Variants in PTPRD observed in about 807,000 individuals in gnomAD.
PTPRD encodes the protein receptor-type tyrosine-protein phosphatase delta.
In PTPRD, 34 loss-of-function variants were observed where a neutral mutation model predicts 214.5. That is an observed-to-expected ratio of 0.16 (90% CI 0.12 to 0.21). The LOEUF is 0.21. PTPRD is among the 10% of genes least tolerant of loss of function. The probability of loss-of-function intolerance (pLI) is 1.00; values close to 1 mark genes in which losing one functional copy is unlikely to be tolerated. For missense variants in PTPRD, 2,545 were observed against 2,398.7 expected (o/e 1.06, Z -1.27); for synonymous variants, 1,128 against 845.7 (o/e 1.33, Z -5.79).
intron 5 of PTPRD, among the ~76,000 whole-genome samples, chr9:9,774,913 T>G (rs2098784454): frequency 6.6e-6 from 1 of 152,182 alleles, no homozygotes; most frequent in Non-Finnish European, 1.5e-5. Flanking sequence ...AATCATAAGC[T>G]ACAGCAACAG....
At chr9:8,610,564 A>G (rs940400475) in intron 14 of PTPRD, among the ~76,000 whole-genome samples, 1 of 152,174 alleles carries the variant, frequency 6.6e-6, no homozygotes, top group African/African-American at 2.4e-5. Context: ...AACTTAAACC[A>G]TTCTATTTGA....
chr9:10,053,919 C>T lies in PTPRD; in HGVS notation c.-544-20129G>A, dbSNP rs143946622. Among the ~76,000 whole-genome samples the T allele has an allele frequency of 3.7e-3, 570 of 152,048 alleles. 7 individuals carry two copies. Among genetic ancestry groups the T allele is most frequent in the African/African-American group, 0.013 (533 of 41,478 alleles). On this transcript the variant is annotated intron_variant, in intron 3 of 45. Coordinates refer to ENST00000381196, the MANE Select transcript of PTPRD (RefSeq NM_002839.4). ...GATTACAGGTGTACGCCAACACACC[C>T]GGCTAATTTTTGTGTTTTTAGTAAA...
At chr9:9,849,534 A>G (rs1234510857) in intron 5 of PTPRD, among the ~76,000 whole-genome samples, 1 of 152,118 alleles carries the variant, frequency 6.6e-6, no homozygotes, top group Non-Finnish European at 1.5e-5. Context: ...CAAGTTTTGA[A>G]AAGAATGATG....
At chr9:9,494,886 A>G (rs558803392) in intron 8 of PTPRD, among the ~76,000 whole-genome samples, 5 of 152,344 alleles carry the variant, frequency 3.3e-5, no homozygotes, top group African/African-American at 9.6e-5. Flanking sequence ...AGAAAACTGT[A>G]AGATTCACAC....
chr9:8,321,526 T>TATATATATATATATATATATATAA (rs1327118226), intron 44 of PTPRD, among the ~76,000 whole-genome samples: 1 of 115,762 alleles, frequency 8.6e-6, no homozygotes, highest in Non-Finnish European at 1.8e-5. Flanking sequence ...TATATATATA[T>TATATATATATATATATATATATAA]AAAAGGTATA....
chr9:10,248,959 G>A (rs953477368), intron 3 of PTPRD, among the ~76,000 whole-genome samples: 2 of 151,722 alleles, frequency 1.3e-5, no homozygotes, highest in African/African-American at 4.8e-5. Context: ...ATTTACCTAA[G>A]GGGTCAGTAA....
chr9:9,905,297 T>A (rs549215377), intron 5 of PTPRD, among the ~76,000 whole-genome samples: 2 of 152,028 alleles, frequency 1.3e-5, no homozygotes, highest in African/African-American at 4.8e-5. Context: ...GGTTCTTTTT[T>A]TAATCAGAAT....
chr9:9,381,371 A>AT lies in PTPRD; in HGVS notation c.-203+16077dup, dbSNP rs34743279. On this transcript the variant is annotated intron_variant, in intron 9 of 45. Coordinates refer to ENST00000381196, the MANE Select transcript of PTPRD (RefSeq NM_002839.4). ...TACATCAGTTATGCTTTTTTTTTTT[A>AT]TTTTTTTTTTGACAGGGTCTTACTT... Among the ~76,000 whole-genome samples the AT allele has an allele frequency of 2.5e-3, 184 of 74,214 alleles. 2 individuals are homozygous for AT. Among genetic ancestry groups the AT allele is most frequent in the East Asian group, 8.0e-3 (25 of 3,126 alleles). The allele number at this position is 74,214 out of a possible 152,430, so 48.7% of individuals were successfully genotyped here. A position where few individuals can be genotyped will look rare whatever the true frequency, so the allele number is the denominator to read the frequency against.
chr9:8,421,061 C>T (rs900309035), intron 35 of PTPRD, among the ~76,000 whole-genome samples: 1 of 151,996 alleles, frequency 6.6e-6, no homozygotes. Context: ...GCTGTTCCTC[C>T]GTCTCCAAAA....
chr9:8,637,049 T>A (rs2096458576), intron 12 of PTPRD, among the ~76,000 whole-genome samples: 1 of 152,168 alleles, frequency 6.6e-6, no homozygotes, highest in South Asian at 2.1e-4. Flanking sequence ...TCTGGTTAAG[T>A]TATCTATTAG....
chr9:9,455,628 G>C (rs2092881553), intron 8 of PTPRD, among the ~76,000 whole-genome samples: 1 of 151,546 alleles, frequency 6.6e-6, no homozygotes, highest in Admixed American at 6.6e-5. Flanking sequence ...CCTAAATGGA[G>C]ATCCAAGTAA....
intron 2 of PTPRD, among the ~76,000 whole-genome samples, chr9:10,420,157 T>C (rs1358169427): frequency 6.6e-6 from 1 of 151,850 alleles, no homozygotes; most frequent in Non-Finnish European, 1.5e-5. Flanking sequence ...TTAGAAGCTA[T>C]CATTTTTTGG....
At chr9:9,098,680 A>T (rs1288583369) in intron 10 of PTPRD, among the ~76,000 whole-genome samples, 1 of 152,232 alleles carries the variant, frequency 6.6e-6, no homozygotes, top group Non-Finnish European at 1.5e-5. Context: ...CCATCGACTT[A>T]CATAAACTCT....
At chr9:10,518,955 T>A (rs923901997) in intron 2 of PTPRD, among the ~76,000 whole-genome samples, 13 of 152,068 alleles carry the variant, frequency 8.5e-5, no homozygotes, top group African/African-American at 3.1e-4. Flanking sequence ...CCATGCTAAT[T>A]TTCTTTTTCT....
At chr9:9,207,827 G>A (rs143936979) in intron 9 of PTPRD, among the ~76,000 whole-genome samples, 1 of 151,930 alleles carries the variant, frequency 6.6e-6, no homozygotes, top group African/African-American at 2.4e-5. Context: ...ATGGCAGGTT[G>A]GTTGAATAAA....
At chr9:10,598,649 T>C (rs2077152392) in intron 2 of PTPRD, among the ~76,000 whole-genome samples, 1 of 150,658 alleles carries the variant, frequency 6.6e-6, no homozygotes, top group South Asian at 2.1e-4. Flanking sequence ...GTGAATTAAA[T>C]GTTTTGAACC....
intron 11 of PTPRD, among the ~76,000 whole-genome samples, chr9:8,875,238 GT>G (rs2154211541): frequency 6.6e-6 from 1 of 152,300 alleles, no homozygotes; most frequent in Admixed American, 6.5e-5. Flanking sequence ...CTCTCTGGAA[GT>G]TCTAGGACAG....
chr9:9,071,764 A>C (rs324514), intron 10 of PTPRD, among the ~76,000 whole-genome samples: 111,884 of 152,034 alleles, frequency 0.74, 41,413 homozygotes, highest in Non-Finnish European at 0.78. Flanking sequence ...ATAAGCTATA[A>C]CTGGGCTCTT....
chr9:9,448,585 C>A (rs949681353), intron 8 of PTPRD, among the ~76,000 whole-genome samples: 1 of 152,082 alleles, frequency 6.6e-6, no homozygotes, highest in Non-Finnish European at 1.5e-5. Context: ...ATAACCCAGT[C>A]TTTGTATTTC....
Sources: allele counts gnomAD v4.1 joint callset (sites outside exome capture counted in the v4.1 genomes callset), GRCh38; gene constraint gnomAD v4.1.1; transcripts MANE v1.5; gene names NCBI Gene and HGNC (gene_info 2026-07-23, HGNC 2026-07-21).